ARID3A: variants seen among roughly 807,000 people sequenced by gnomAD.
ARID3A encodes the protein AT-rich interactive domain-containing protein 3A.
ARID3A carries 11 observed loss-of-function variants against 52.7 expected under a neutral mutation model. The observed-to-expected ratio is 0.21, with a 90% CI of 0.13 to 0.35. The LOEUF is 0.35. Among genes scored for constraint, ARID3A ranks in the 10% least tolerant of loss-of-function variants. ARID3A has a pLI of 1.00. For synonymous variants in ARID3A, 404 were observed against 359.4 expected (o/e 1.12, Z -1.40); for missense variants, 721 against 838.5 (o/e 0.86, Z 1.73).
intron 3 of ARID3A, among the ~76,000 whole-genome samples, chr19:940,508 GGC>G (rs1347988991): frequency 1.3e-5 from 2 of 152,034 alleles, no homozygotes; most frequent in African/African-American, 2.4e-5. Flanking sequence ...ACAGAACGGA[GGC>G]ACCCTTGGTC....
In ARID3A at chr19:932,646, G is replaced by A; in HGVS notation, c.597G>A (p.Gly199=). ...TGCTGGGGGGCCAGGAGCGGCCGGG[G>A]CCTGGCCCTGCCCACCCCGGAGGGG... ...PRVLGGQERP[G]PGPAHPGGAA... Residue 199 remains glycine (G), a synonymous_variant, in exon 3 of 9, where the codon GGG becomes GGA. Transcript: ENST00000263620. The A allele has an allele frequency of 6.5e-7, 1 of 1,542,740 alleles. No homozygotes were observed. The highest frequency in any genetic ancestry group is 8.7e-7 in the Non-Finnish European group (1 of 1,145,020).
intron 3 of ARID3A, among the ~76,000 whole-genome samples, chr19:933,221 G>A (rs1391564747): frequency 1.3e-5 from 2 of 152,130 alleles, no homozygotes; most frequent in Non-Finnish European, 2.9e-5. Context: ...TGTGGGGGTG[G>A]CTCAGGTGTG....
chr19:950,801 G>C (rs948238056), intron 3 of ARID3A, among the ~76,000 whole-genome samples: 3 of 152,070 alleles, frequency 2.0e-5, no homozygotes, highest in Admixed American at 1.3e-4. Context: ...TTGGTTGTAG[G>C]AGTCACAGTG....
In ARID3A at chr19:960,770, C is replaced by T. The variant is rs543966650; in HGVS notation, c.766+606C>T. ...ACCCCAGATGTGCTGAGTGCAGGGCCGCTGTTTACTGTGCACACTTATTGG... is the reference window on the plus strand; with the variant it reads ...ACCCCAGATGTGCTGAGTGCAGGGCTGCTGTTTACTGTGCACACTTATTGG... On this transcript the variant is annotated intron_variant, in intron 4 of 8. Coordinates refer to ENST00000263620, the MANE Select transcript of ARID3A (RefSeq NM_005224.3). The surrounding 1 kb of genome is among the most constrained non-coding windows in gnomAD (Gnocchi z 4.3). Among the ~76,000 whole-genome samples, 10 of 152,226 alleles carry T rather than the reference C, an allele frequency of 6.6e-5. No individual in the cohort carries two copies. Among genetic ancestry groups the T allele is most frequent in the African/African-American group, 1.9e-4 (8 of 41,514 alleles).
In ARID3A at chr19:947,008, G is replaced by A. The variant is rs1337001079; in HGVS notation, c.694-13084G>A. On this transcript the variant is annotated intron_variant, in intron 3 of 8. Coordinates refer to ENST00000263620, the MANE Select transcript of ARID3A (RefSeq NM_005224.3). This position sits in a 1 kb window ranked among gnomAD's most constrained non-coding sequence, Gnocchi z 6.3. ...CAGGGTTTTGTCATATTGCCCAGGC[G>A]GGTCTCAAACTCCTGGGCTCGAGCA... 1.3e-5 allele frequency among the ~76,000 whole-genome samples: 2 copies of A among 150,290 alleles called. No homozygotes were observed. The highest frequency in any genetic ancestry group is 4.9e-5 in the African/African-American group (2 of 40,820).
intron 3 of ARID3A, 102 bp downstream of exon 3, chr19:932,844 C>A: frequency 6.7e-7 from 1 of 1,495,834 alleles, no homozygotes; most frequent in Non-Finnish European, 8.8e-7. Flanking sequence ...AGCCGGGCGT[C>A]GAGTTGAGAG....
intron 3 of ARID3A, among the ~76,000 whole-genome samples, chr19:936,499 G>A (rs1426403352): frequency 2.6e-5 from 4 of 151,836 alleles, no homozygotes; most frequent in East Asian, 1.9e-4. Context: ...AGCCGTGATC[G>A]CGCCACCACA....
chr19:937,673 A>G (rs1005595829), intron 3 of ARID3A, among the ~76,000 whole-genome samples: 3 of 148,004 alleles, frequency 2.0e-5, no homozygotes, highest in South Asian at 4.3e-4. Flanking sequence ...CAGTTCCTCT[A>G]CATCCTCACC....
Position 966,854 on chromosome 19 carries a change from G to A in ARID3A, c.1481G>A (p.Arg494Gln), listed in dbSNP as rs140675218. 2.3e-4 allele frequency: 371 copies of A among 1,609,736 alleles called. No individual in the cohort carries two copies. In the African/African-American group the frequency reaches 4.1e-3, roughly 18 times the overall value. Reference sequence around the variant, plus strand: ...GCGGCCCAGCTGCCCATGAGCATTCGGATCAACAGCCAAGGTACTGCCCTC... The same window carrying A: ...GCGGCCCAGCTGCCCATGAGCATTCAGATCAACAGCCAAGGTACTGCCCTC... ...AMAAQLPMSI[R>Q]INSQASESRQ... Residue 494 changes from arginine (R) to glutamine (Q), a missense_variant, in exon 7 of 9, where the codon CGG becomes CAG. Arg to Gln is a conservative substitution (Grantham distance 43, BLOSUM62 1). Around this residue, in one of 5 missense-constraint regions of ARID3A, gnomAD observed 297 missense variants for 343.2 expected, o/e 0.87. Coordinates refer to ENST00000263620, the MANE Select transcript of ARID3A (RefSeq NM_005224.3).
chr19:936,488 G>A (rs2037441423), intron 3 of ARID3A, among the ~76,000 whole-genome samples: 2 of 152,010 alleles, frequency 1.3e-5, no homozygotes, highest in African/African-American at 4.8e-5. Context: ...AGGCTGCAGT[G>A]AGCCGTGATC....
At chr19:953,735 C>T (rs1295862726) in intron 3 of ARID3A, among the ~76,000 whole-genome samples, 1 of 152,026 alleles carries the variant, frequency 6.6e-6, no homozygotes, top group African/African-American at 2.4e-5. Flanking sequence ...GCAGAAGGAA[C>T]AGCGCCGCGG....
chr19:955,299 A>G (rs1251880315), intron 3 of ARID3A, among the ~76,000 whole-genome samples: 1 of 152,136 alleles, frequency 6.6e-6, no homozygotes, highest in Non-Finnish European at 1.5e-5. Flanking sequence ...AGAGACCCAT[A>G]AAGCCCAGGC....
intron 3 of ARID3A, among the ~76,000 whole-genome samples, chr19:952,436 T>C: frequency 1.3e-5 from 1 of 79,502 alleles, no homozygotes; most frequent in Non-Finnish European, 2.3e-5. Context: ...AGCGAGACCC[T>C]GTCTCAAAAA....
intron 8 of ARID3A, 81 bp from the exon 9 acceptor site, chr19:971,797 G>A (rs2145478758): frequency 6.8e-7 from 1 of 1,478,854 alleles, no homozygotes. Flanking sequence ...ATTCCCCGGA[G>A]CACCCCATTG....
At chr19:927,127 AC>A (rs1359775786) in intron 1 of ARID3A, among the ~76,000 whole-genome samples, 1 of 151,554 alleles carries the variant, frequency 6.6e-6, no homozygotes, top group Non-Finnish European at 1.5e-5. Context: ...TCTTTAAATA[AC>A]CATGTTTTGC....
At chr19:940,814 C>T (rs908976687) in intron 3 of ARID3A, among the ~76,000 whole-genome samples, 10 of 152,198 alleles carry the variant, frequency 6.6e-5, no homozygotes, top group Non-Finnish European at 1.0e-4. Flanking sequence ...GGAGGGCTGT[C>T]GGGAAGCCCC....
Position 971,949 on chromosome 19 carries a change from G to GGCGGCGGCGGCA in ARID3A, c.1668_1669insGGCGGCGGCAGC (p.Gly556_Ser557insGlyGlyGlySer). On this transcript the variant is annotated inframe_insertion, in exon 9 of 9. Transcript: ENST00000263620. ...CAACAAAGGAGGCGGCGGCGGCGGC[G>GGCGGCGGCGGCA]GCAGCAGCAGCAACGCAGGCGGCCG... 1.9e-6 allele frequency: 3 copies of GGCGGCGGCGGCA among 1,580,712 alleles called. No homozygotes were observed. The African/African-American group carries it at 4.2e-5, about 22-fold the overall frequency.
chr19:936,658 C>T (rs1313524325), intron 3 of ARID3A, among the ~76,000 whole-genome samples: 4 of 152,006 alleles, frequency 2.6e-5, no homozygotes, highest in African/African-American at 9.7e-5. Context: ...CTGGCTAACA[C>T]GGTGAAACCC....
chr19:964,990 C>T lies in ARID3A; in HGVS notation c.1108C>T (p.Leu370Phe). Reference sequence around the variant, plus strand: ...CTCGCCAGGCGGGGCACACGGCATGCTCTCCTCACCCAAGCTACCCGTGTC... The same window carrying T: ...CTCGCCAGGCGGGGCACACGGCATGTTCTCCTCACCCAAGCTACCCGTGTC... ...AYSPGGAHGM[L>F]SSPKLPVSSL... Residue 370 changes from leucine to phenylalanine, a missense_variant, in exon 6 of 9, where the codon CTC (leucine) becomes TTC (phenylalanine). Transcript: ENST00000263620. This position sits in a 1 kb window ranked among gnomAD's most constrained non-coding sequence, Gnocchi z 5.7. 1 of 1,613,818 alleles carries T rather than the reference C, an allele frequency of 6.2e-7. No individual in the cohort carries two copies.
Sources: allele counts gnomAD v4.1 joint callset (sites outside exome capture counted in the v4.1 genomes callset), GRCh38; gene constraint gnomAD v4.1.1; regional missense constraint gnomAD v4.1.1; non-coding constraint Gnocchi (gnomAD v3.1); transcripts MANE v1.5; gene names NCBI Gene and HGNC (gene_info 2026-07-23, HGNC 2026-07-21).